Variants in CSMD1 observed in about 807,000 individuals in gnomAD.
CSMD1 encodes CUB and Sushi multiple domains 1.
CSMD1 carries 213 observed loss-of-function variants against 417.5 expected under a neutral mutation model. That is an observed-to-expected ratio of 0.51 (90% CI 0.46 to 0.57). The LOEUF (loss-of-function observed/expected upper bound fraction) is 0.57, where lower values mean the gene tolerates loss of function less well. CSMD1 is among the 20% of genes least tolerant of loss of function. CSMD1 has a pLI of 0.00. For missense variants in CSMD1, 6,923 were observed against 4,529.7 expected (o/e 1.53, Z -15.17); for synonymous variants, 2,862 against 1,736.8 (o/e 1.65, Z -16.11).
chr8:4,216,616 T>C (rs1357832178), intron 3 of CSMD1, among the ~76,000 whole-genome samples: 1 of 152,110 alleles, frequency 6.6e-6, no homozygotes, highest in Non-Finnish European at 1.5e-5. Context: ...CACCGTGAAG[T>C]GTGAATGCTG....
Position 4,661,858 on chromosome 8 carries a change from T to C in CSMD1, c.86-24300A>G, listed in dbSNP as rs148432765. Among the ~76,000 whole-genome samples, 552 of 152,320 alleles carry C rather than the reference T, an allele frequency of 3.6e-3. 2 individuals carry two copies. Among genetic ancestry groups the C allele is most frequent in the African/African-American group, 0.012 (492 of 41,578 alleles). ...CAGAAGTTGTAGAATGTTAATGTTA[T>C]CATGGAGATGAAGGACGGTAGCATG... On this transcript the variant is annotated intron_variant, in intron 1 of 69. Coordinates refer to ENST00000635120, the MANE Select transcript of CSMD1 (RefSeq NM_033225.6).
chr8:3,691,701 T>C (rs953118326), intron 7 of CSMD1, among the ~76,000 whole-genome samples: 10 of 152,052 alleles, frequency 6.6e-5, no homozygotes, highest in African/African-American at 1.9e-4. Flanking sequence ...AATAAACAAA[T>C]AAAACCCTAT....
At chr8:3,846,691 T>C (rs1268631768) in intron 5 of CSMD1, among the ~76,000 whole-genome samples, 3 of 152,198 alleles carry the variant, frequency 2.0e-5, no homozygotes, top group Non-Finnish European at 4.4e-5. Flanking sequence ...GGAGTTTCTC[T>C]CTGTCGCCCA....
chr8:3,170,651 T>C (rs896288613), intron 37 of CSMD1, among the ~76,000 whole-genome samples: 17 of 152,222 alleles, frequency 1.1e-4, no homozygotes, highest in African/African-American at 2.4e-5. Context: ...CCATTGTGAA[T>C]TTAATTTTTA....
chr8:4,288,817 C>A (rs146255579), intron 3 of CSMD1, among the ~76,000 whole-genome samples: 5 of 152,248 alleles, frequency 3.3e-5, no homozygotes, highest in South Asian at 2.1e-4. Context: ...AAAATCAAGT[C>A]CCATTACGTC....
chr8:3,744,449 T>C lies in CSMD1; in HGVS notation c.931+9481A>G, dbSNP rs1056865286. Reference sequence around the variant, plus strand: ...AAAGATTTTAACCAGGAAAAAAGTCTAGGAAACTAGATTTTAACTAGGACT... The same window carrying C: ...AAAGATTTTAACCAGGAAAAAAGTCCAGGAAACTAGATTTTAACTAGGACT... On this transcript the variant is annotated intron_variant, in intron 6 of 69. Coordinates refer to ENST00000635120, the MANE Select transcript of CSMD1 (RefSeq NM_033225.6). 3.3e-5 allele frequency among the ~76,000 whole-genome samples: 5 copies of C among 152,120 alleles called. No homozygotes were observed. In the East Asian group the frequency reaches 7.7e-4, roughly 23 times the overall value.
intron 5 of CSMD1, among the ~76,000 whole-genome samples, chr8:3,963,550 G>A (rs184174602): frequency 1.3e-4 from 20 of 151,958 alleles, no homozygotes; most frequent in Non-Finnish European, 1.9e-4. Context: ...CATAAAATTC[G>A]TATTTCAATT....
At position 2,942,616 on chromosome 8, in the gene CSMD1, A is replaced by G. The variant is rs546516177; in HGVS notation, c.10403-12T>C. On this transcript the variant is annotated splice_polypyrimidine_tract_variant and intron_variant, in intron 68 of 69. Coordinates refer to ENST00000635120, the MANE Select transcript of CSMD1 (RefSeq NM_033225.6). The stretch of plus-strand genomic sequence containing the variant: ...TGGGTTTAAAGGATCTGTAAGATAA[A>G]GGAAATATTAAATTTGTTGTTACTG... 7.2e-5 allele frequency: 111 copies of G among 1,546,358 alleles called. No individual in the cohort carries two copies. In the Middle Eastern group the frequency reaches 2.5e-3, roughly 35 times the overall value.
At chr8:4,229,228 T>C (rs1033244281) in intron 3 of CSMD1, among the ~76,000 whole-genome samples, 1 of 152,144 alleles carries the variant, frequency 6.6e-6, no homozygotes, top group South Asian at 2.1e-4. Flanking sequence ...CATTGGCCAA[T>C]TTGGCTAGTC....
chr8:4,683,021 C>T lies in CSMD1; in HGVS notation c.86-45463G>A, dbSNP rs546853415. On this transcript the variant is annotated intron_variant, in intron 1 of 69. Coordinates refer to ENST00000635120, the MANE Select transcript of CSMD1 (RefSeq NM_033225.6). ...TCACACATAAACACATCCAAATTAT[C>T]TCACTTCTTGTGAAATATAAGTATT... is the stretch of plus-strand genomic sequence containing the variant. Among the ~76,000 whole-genome samples the T allele has an allele frequency of 2.8e-5, 4 of 144,334 alleles. No homozygotes were observed. The South Asian group carries it at 8.8e-4, about 32-fold the overall frequency. 94.7% of individuals were successfully genotyped at this position (144,334 alleles called of 152,430 possible).
chr8:3,995,759 G>T (rs949851902), intron 5 of CSMD1, among the ~76,000 whole-genome samples: 1 of 152,170 alleles, frequency 6.6e-6, no homozygotes, highest in African/African-American at 2.4e-5. Context: ...GTCATCCCAA[G>T]AATACAAGTA....
intron 8 of CSMD1, among the ~76,000 whole-genome samples, chr8:3,592,533 G>T (rs563619870): frequency 6.6e-6 from 1 of 152,228 alleles, no homozygotes. Context: ...TGGCATGGGG[G>T]CAGTAGCTGC....
intron 12 of CSMD1, among the ~76,000 whole-genome samples, chr8:3,438,623 T>C (rs6558769): frequency 0.63 from 95,497 of 152,006 alleles, 30,154 homozygotes; most frequent in East Asian, 0.76. Flanking sequence ...TCTAGATGAA[T>C]TAATTTGTTT....
At chr8:3,828,712 G>A (rs190784843) in intron 5 of CSMD1, among the ~76,000 whole-genome samples, 68 of 152,084 alleles carry the variant, frequency 4.5e-4, no homozygotes, top group Middle Eastern at 6.8e-3. Flanking sequence ...TCCCTAGTTT[G>A]GAGCCTTTCT....
chr8:3,538,816 G>C (rs9314496), intron 10 of CSMD1, among the ~76,000 whole-genome samples: 14 of 152,160 alleles, frequency 9.2e-5, no homozygotes, highest in African/African-American at 3.1e-4. Context: ...CCTGGTGGAA[G>C]GCAATGTCTC....
At chr8:4,258,615 G>T (rs923200285) in intron 3 of CSMD1, among the ~76,000 whole-genome samples, 1 of 149,682 alleles carries the variant, frequency 6.7e-6, no homozygotes, top group African/African-American at 2.5e-5. Context: ...TCTCATAGGG[G>T]CACTCATTCT....
chr8:4,401,164 C>T (rs73658847), intron 3 of CSMD1, among the ~76,000 whole-genome samples: 15,264 of 152,122 alleles, frequency 0.1, 2,467 homozygotes, highest in African/African-American at 0.34. Flanking sequence ...TTCATCAAAA[C>T]AGGGGTTCCA....
At chr8:4,423,310 G>T (rs1797355965) in intron 2 of CSMD1, among the ~76,000 whole-genome samples, 1 of 152,008 alleles carries the variant, frequency 6.6e-6, no homozygotes, top group Non-Finnish European at 1.5e-5. Flanking sequence ...TATAGAAAAT[G>T]CCAAGGAATC....
Position 3,214,534 on chromosome 8 carries a change from C to G in CSMD1, c.4830G>C (p.Gly1610=). 6.2e-7 allele frequency: 1 copy of G among 1,600,050 alleles called. No homozygotes were observed. Among genetic ancestry groups the G allele is most frequent in the Non-Finnish European group, 8.5e-7 (1 of 1,173,168 alleles). The stretch of plus-strand genomic sequence containing the variant: ...GCAGCACTTGGTCCCAGGAGGGTTT[C>G]CCATCAGCCCCAATCACACAGGTGA... ...SSITCVIGAD[G]KPSWDQVLPS... Residue 1610 remains glycine (G), a synonymous_variant, in exon 30 of 70, where the codon GGG becomes GGC. Transcript: ENST00000635120.
Sources: gnomAD v4.1 joint callset for allele counts (sites outside exome capture counted in the v4.1 genomes callset) on GRCh38, gnomAD v4.1.1 for gene constraint, MANE v1.5 for transcripts, NCBI Gene and HGNC (gene_info 2026-07-23, HGNC 2026-07-21) for gene names.